BABAM2: variants seen among roughly 807,000 people sequenced by gnomAD.
BABAM2 encodes the protein BRISC and BRCA1-A complex member 2.
In BABAM2, 31 loss-of-function variants were observed where a neutral mutation model predicts 54.7. That is an observed-to-expected ratio of 0.57 (90% CI 0.43 to 0.77). The LOEUF (loss-of-function observed/expected upper bound fraction) is 0.77. Ranked by LOEUF, BABAM2 falls within the 30% of genes least tolerant of loss-of-function variation. The pLI is 0.00. For missense variants in BABAM2, 364 were observed against 455.8 expected (o/e 0.80, Z 1.83); for synonymous variants, 167 against 162.9 (o/e 1.03, Z -0.19).
intron 10 of BABAM2, among the ~76,000 whole-genome samples, chr2:28,248,069 T>A (rs568402999): frequency 1.3e-5 from 2 of 152,228 alleles, no homozygotes; most frequent in Admixed American, 1.3e-4. Context: ...CCAGAAACTA[T>A]TTTTAGGAAA....
At chr2:28,142,637 A>C (rs1369294224) in intron 7 of BABAM2, among the ~76,000 whole-genome samples, 1 of 152,066 alleles carries the variant, frequency 6.6e-6, no homozygotes, top group Non-Finnish European at 1.5e-5. Context: ...TTTTATAGCC[A>C]TGTTTCTCTG....
chr2:28,020,683 A>G (rs1675179076), intron 4 of BABAM2, among the ~76,000 whole-genome samples: 1 of 152,124 alleles, frequency 6.6e-6, no homozygotes, highest in South Asian at 2.1e-4. Flanking sequence ...TTTATAAATT[A>G]TATATATAAT....
chr2:27,890,519 C>T, upstream of BABAM2: 5 of 618,016 alleles, frequency 8.1e-6, no homozygotes, highest in Non-Finnish European at 1.4e-5. The surrounding 1 kb of genome is among the most constrained non-coding windows in gnomAD (Gnocchi z 4.8). Context: ...CCTCTTCTTC[C>T]TGGAATAGTC....
At chr2:28,235,321 C>T (rs953994546) in intron 7 of BABAM2, among the ~76,000 whole-genome samples, 13 of 151,854 alleles carry the variant, frequency 8.6e-5, no homozygotes, top group African/African-American at 2.9e-4. Context: ...GGATTACAGG[C>T]GCATGCCACC....
At chr2:27,948,238 A>T (rs1669441167) in intron 3 of BABAM2, among the ~76,000 whole-genome samples, 1 of 150,988 alleles carries the variant, frequency 6.6e-6, no homozygotes, top group African/African-American at 2.4e-5. Flanking sequence ...TAAATTTCTG[A>T]TTGTTTATTG....
chr2:28,101,325 C>A (rs796669498), intron 6 of BABAM2, among the ~76,000 whole-genome samples: 3 of 152,258 alleles, frequency 2.0e-5, no homozygotes, highest in African/African-American at 7.2e-5. Flanking sequence ...AGGGTTATGG[C>A]TGCCGAACCT....
intron 7 of BABAM2, among the ~76,000 whole-genome samples, chr2:28,228,226 C>T (rs1409467072): frequency 2.0e-5 from 3 of 152,166 alleles, no homozygotes; most frequent in South Asian, 4.1e-4. Context: ...GTGATGTGCA[C>T]GTGAAGTTAC....
rs1238766175 is a variant in BABAM2 at position 28,008,597 on chromosome 2, T to A, written c.301-16629T>A. Among the ~76,000 whole-genome samples the A allele has an allele frequency of 2.6e-5, 4 of 152,200 alleles. No homozygotes were observed. The South Asian group carries it at 8.3e-4, about 31-fold the overall frequency. ...TTGCAAATGCTCCGTAATTCCTTAA[T>A]CTTAATGAAACCATCACAAAAACAT... On this transcript the variant is annotated intron_variant, in intron 4 of 11. Coordinates refer to ENST00000379624, the MANE Select transcript of BABAM2 (RefSeq NM_199191.3).
chr2:28,091,940 A>G (rs1167436110), intron 6 of BABAM2, among the ~76,000 whole-genome samples: 4 of 152,112 alleles, frequency 2.6e-5, no homozygotes, highest in African/African-American at 4.8e-5. Context: ...CAGTCTATCA[A>G]GGTAGTCCAA....
chr2:28,097,857 A>G (rs1212725070), intron 6 of BABAM2, among the ~76,000 whole-genome samples: 2 of 152,234 alleles, frequency 1.3e-5, no homozygotes, highest in African/African-American at 2.4e-5. Context: ...GTTGCTCACT[A>G]GCACTTTCCC....
At chr2:28,082,319 T>G (rs1043096864) in intron 6 of BABAM2, among the ~76,000 whole-genome samples, 11 of 152,204 alleles carry the variant, frequency 7.2e-5, no homozygotes, top group African/African-American at 2.7e-4. Flanking sequence ...CACTGGTATT[T>G]CATAGCTTTC....
In BABAM2 at chr2:27,915,065, T is replaced by C. The variant is rs757832360; in HGVS notation, c.129-14767T>C. 3.1e-4 allele frequency among the ~76,000 whole-genome samples: 47 copies of C among 152,166 alleles called. 1 individual carries two copies. Among genetic ancestry groups the C allele is most frequent in the Middle Eastern group, 6.8e-3 (2 of 294 alleles). On this transcript the variant is annotated intron_variant, in intron 2 of 11. Transcript: ENST00000379624. ...AACATGAGAGGCATGATGGGCTCCA[T>C]TAGATTTGCTTTAGGACACTGGAAA...
chr2:28,080,168 C>G (rs1308579403), intron 6 of BABAM2, among the ~76,000 whole-genome samples: 2 of 152,028 alleles, frequency 1.3e-5, no homozygotes, highest in African/African-American at 2.4e-5. Flanking sequence ...TCATATTTGT[C>G]TTTAATTAAT....
chr2:28,179,098 A>G (rs1358392634), intron 7 of BABAM2, among the ~76,000 whole-genome samples: 1 of 152,198 alleles, frequency 6.6e-6, no homozygotes, highest in South Asian at 2.1e-4. Context: ...AAACTATTCC[A>G]AGAAACTGAA....
At chr2:28,079,446 C>T (rs1017093621) in intron 6 of BABAM2, among the ~76,000 whole-genome samples, 1 of 152,070 alleles carries the variant, frequency 6.6e-6, no homozygotes, top group Non-Finnish European at 1.5e-5. Context: ...TGTTGTAGTA[C>T]AAGAGAGGCA....
At chr2:28,338,298 G>A (rs947030687) in intron 11 of BABAM2, 152 bp from the exon 12 acceptor site, 1 of 712,134 alleles carries the variant, frequency 1.4e-6, no homozygotes, top group Non-Finnish European at 2.5e-6. Context: ...AAATCCGGAG[G>A]GCTTTGCCTC....
At chr2:27,963,487 A>G (rs906823829) in intron 3 of BABAM2, among the ~76,000 whole-genome samples, 9 of 151,518 alleles carry the variant, frequency 5.9e-5, no homozygotes, top group East Asian at 3.9e-4. Context: ...AAAAAAAAAA[A>G]AAAAAAGAAA....
At chr2:28,020,550 G>A (rs1675169384) in intron 4 of BABAM2, among the ~76,000 whole-genome samples, 1 of 152,124 alleles carries the variant, frequency 6.6e-6, no homozygotes, top group African/African-American at 2.4e-5. Context: ...GGAAGGTTGG[G>A]AGGGGATGGG....
rs1436411965 is a variant in BABAM2, at chr2:27,986,090, C to A, written c.206-1903C>A. 7.2e-5 allele frequency among the ~76,000 whole-genome samples: 11 copies of A among 151,992 alleles called. No homozygotes were observed. The East Asian group carries it at 1.7e-3, about 24-fold the overall frequency. On this transcript the variant is annotated intron_variant, in intron 3 of 11. Transcript: ENST00000379624. ...AGTATTTGGAGGGCATTGAGCAGATCATATTGACTGGAAGAAAAGACAGGC... is the reference window on the plus strand; with the variant it reads ...AGTATTTGGAGGGCATTGAGCAGATAATATTGACTGGAAGAAAAGACAGGC...
Sources: allele counts gnomAD v4.1 joint callset (sites outside exome capture counted in the v4.1 genomes callset), GRCh38; gene constraint gnomAD v4.1.1; non-coding constraint Gnocchi (gnomAD v3.1); transcripts MANE v1.5; gene names NCBI Gene and HGNC (gene_info 2026-07-23, HGNC 2026-07-21).